Variants in TMEM131 observed in about 807,000 individuals in gnomAD.
The protein encoded by TMEM131 is 2610524E03Rik.
In TMEM131, 66 loss-of-function variants were observed where a neutral mutation model predicts 211.6. That is an observed-to-expected ratio of 0.31 (90% CI 0.26 to 0.38). The LOEUF (loss-of-function observed/expected upper bound fraction) is 0.38. TMEM131 is among the 10% of genes least tolerant of loss of function. The probability of loss-of-function intolerance (pLI) is 1.00; values close to 1 mark genes in which losing one functional copy is unlikely to be tolerated. For missense variants in TMEM131, 2,036 were observed against 2,299.3 expected (o/e 0.89, Z 2.34); for synonymous variants, 844 against 841.3 (o/e 1.00, Z -0.06).
At position 97,995,431 on chromosome 2, in the gene TMEM131, C is replaced by T. The variant is rs1275465601; in HGVS notation, c.187+45G>A. On this transcript the variant is annotated intron_variant, in intron 1 of 40. Transcript: ENST00000186436. The stretch of plus-strand genomic sequence containing the variant: ...CCAGCCCTCCCGGCCTCCGCGAGAG[C>T]GGGGTGACAGCCCCGCCGCAGGGAC... 8 of 1,317,286 alleles carry T rather than the reference C, an allele frequency of 6.1e-6. No homozygotes were observed. In the East Asian group the frequency reaches 9.5e-5, roughly 16 times the overall value. 81.6% of individuals were successfully genotyped at this position (1,317,286 alleles called of 1,614,324 possible).
intron 1 of TMEM131, among the ~76,000 whole-genome samples, chr2:97,956,253 A>G (rs1242779403): frequency 6.6e-6 from 1 of 152,146 alleles, no homozygotes; most frequent in Non-Finnish European, 1.5e-5. Flanking sequence ...CACTGGAGGA[A>G]TTTTTTCAAT....
intron 1 of TMEM131, among the ~76,000 whole-genome samples, chr2:97,943,255 A>G (rs1677884236): frequency 6.6e-6 from 1 of 152,140 alleles, no homozygotes; most frequent in African/African-American, 2.4e-5. Flanking sequence ...CTCTAAAAAA[A>G]TTTAAGTAAC....
chr2:97,759,812 C>T, intron 38 of TMEM131, 63 bp from the exon 39 acceptor site: 1 of 1,158,316 alleles, frequency 8.6e-7, no homozygotes, highest in South Asian at 1.3e-5. Flanking sequence ...CAAACGGATC[C>T]ATAGTGCACA....
intron 1 of TMEM131, among the ~76,000 whole-genome samples, chr2:97,947,172 A>AC (rs1678083519): frequency 6.6e-6 from 1 of 152,138 alleles, no homozygotes; most frequent in East Asian, 1.9e-4. Flanking sequence ...GTTCCTTCTC[A>AC]CCACTCCTAT....
chr2:97,792,293 T>C (rs1237471225), intron 31 of TMEM131, 93 bp downstream of exon 31: 2 of 1,084,202 alleles, frequency 1.8e-6, no homozygotes, highest in Non-Finnish European at 2.6e-6. Flanking sequence ...ACTGAATTAG[T>C]TGTTTACCAC....
intron 1 of TMEM131, among the ~76,000 whole-genome samples, chr2:97,936,370 T>G (rs1373828267): frequency 6.6e-6 from 1 of 152,156 alleles, no homozygotes; most frequent in Admixed American, 6.5e-5. Flanking sequence ...ACCTGAGACA[T>G]CCCTAAGCTC....
At chr2:97,962,820 T>A (rs185514760) in intron 1 of TMEM131, among the ~76,000 whole-genome samples, 3 of 152,360 alleles carry the variant, frequency 2.0e-5, no homozygotes, top group Non-Finnish European at 4.4e-5. Flanking sequence ...AATTGTAGTT[T>A]ACTTAGCAAT....
At chr2:97,972,906 C>T (rs764123159) in intron 1 of TMEM131, among the ~76,000 whole-genome samples, 15 of 152,070 alleles carry the variant, frequency 9.9e-5, no homozygotes, top group Non-Finnish European at 2.2e-4. Context: ...ACAAATTCTC[C>T]CCTAGGGCCT....
chr2:97,917,624 T>C (rs1676561032), intron 2 of TMEM131, among the ~76,000 whole-genome samples: 2 of 152,226 alleles, frequency 1.3e-5, no homozygotes, highest in South Asian at 4.1e-4. Flanking sequence ...CTAACAATCA[T>C]GGCGGAAGGG....
chr2:97,908,301 C>CG (rs1676154810), intron 3 of TMEM131, among the ~76,000 whole-genome samples: 1 of 152,090 alleles, frequency 6.6e-6, no homozygotes, highest in Admixed American at 6.5e-5. Flanking sequence ...TGGGGGCCTG[C>CG]GGGCAGACCC....
At chr2:97,925,920 C>T (rs1002810161) in intron 2 of TMEM131, among the ~76,000 whole-genome samples, 4 of 151,902 alleles carry the variant, frequency 2.6e-5, no homozygotes, top group Admixed American at 2.0e-4. Context: ...ACCATCCTGG[C>T]TAACATGGTG....
intron 11 of TMEM131, chr2:97,827,284 G>A: frequency 1.3e-6 from 1 of 783,728 alleles, no homozygotes. Flanking sequence ...TGAAGCCGCT[G>A]CCAAGGAAGA....
intron 1 of TMEM131, among the ~76,000 whole-genome samples, chr2:97,940,161 A>G (rs1677651669): frequency 1.3e-5 from 2 of 152,188 alleles, no homozygotes; most frequent in Admixed American, 6.5e-5. Context: ...TAGTGTTGGA[A>G]GTTCTGGCCA....
At position 97,792,639 on chromosome 2, in the gene TMEM131, C is replaced by T. The variant is rs751930543; in HGVS notation, c.3891G>A (p.Pro1297=). The T allele has an allele frequency of 5.0e-6, 8 of 1,613,304 alleles. No homozygotes were observed. In the East Asian group the frequency reaches 8.9e-5, roughly 18 times the overall value. Residue 1297 remains proline, a synonymous_variant, in exon 31 of 41, where the codon CCG becomes CCA. Transcript: ENST00000186436. ...QHGSQHHAHS[P]LEQHPQPPLP... ...GAGGAGGCTGAGGGTGCTGCTCCAG[C>T]GGGCTGTGGGCATGGTGCTGGCTGC...
At chr2:97,830,132 TAAAAAAAAAAAAA>T (rs60531384) in intron 11 of TMEM131, among the ~76,000 whole-genome samples, 1 of 72,350 alleles carries the variant, frequency 1.4e-5, no homozygotes, top group African/African-American at 5.7e-5. Flanking sequence ...CATTATCAGT[TAAAAAAAAAAAAA>T]AAAAAAAAAA....
intron 25 of TMEM131, among the ~76,000 whole-genome samples, chr2:97,798,322 A>C (rs1307403124): frequency 6.6e-6 from 1 of 152,196 alleles, no homozygotes; most frequent in Non-Finnish European, 1.5e-5. Context: ...TTTTGAGGGA[A>C]GGGTTGTCAA....
chr2:97,861,471 T>C (rs929811744), intron 4 of TMEM131, among the ~76,000 whole-genome samples: 2 of 151,490 alleles, frequency 1.3e-5, no homozygotes, highest in African/African-American at 2.4e-5. Context: ...CTGCTGTGGA[T>C]TGGGGAGGGA....
In TMEM131 at chr2:97,818,542, C is replaced by T. The variant is rs527822800; in HGVS notation, c.1183+71G>A. 6.6e-4 allele frequency: 613 copies of T among 927,342 alleles called. 11 individuals carry two copies. In the South Asian group the frequency reaches 8.4e-3, roughly 13 times the overall value. The allele number at this position is 927,342 out of a possible 1,614,324, so 57.4% of individuals were successfully genotyped here. ...AACAGTTTGGATTTTTATATTAAGA[C>T]GTTAATACAGATGCTTTCTAGTTTA... On this transcript the variant is annotated intron_variant, in intron 12 of 40. Transcript: ENST00000186436.
chr2:97,930,449 TGA>T (rs1677171933), intron 1 of TMEM131, among the ~76,000 whole-genome samples: 1 of 151,810 alleles, frequency 6.6e-6, no homozygotes, highest in South Asian at 2.1e-4. Flanking sequence ...TTAAAAAGTA[TGA>T]GTTATGTTAA....
Sources: gnomAD v4.1 joint callset for allele counts (sites outside exome capture counted in the v4.1 genomes callset) on GRCh38, gnomAD v4.1.1 for gene constraint, MANE v1.5 for transcripts, NCBI Gene and HGNC (gene_info 2026-07-23, HGNC 2026-07-21) for gene names.